CYSTM1: variants seen among roughly 807,000 people sequenced by gnomAD.
The protein encoded by CYSTM1 is cysteine-rich transmembrane module-containing protein 1.
Under a neutral mutation model 13.1 loss-of-function variants are expected in CYSTM1, and 4 were observed. The observed-to-expected ratio is 0.31, with a 90% CI of 0.15 to 0.70. The LOEUF is 0.70. Ranked by LOEUF, CYSTM1 falls within the 30% of genes least tolerant of loss-of-function variation. The pLI, the probability that CYSTM1 is intolerant of heterozygous loss-of-function variation, is 0.72. For missense variants in CYSTM1, 96 were observed against 121.6 expected (o/e 0.79, Z 0.99); for synonymous variants, 36 against 42.7 (o/e 0.84, Z 0.62).
rs193152223 is a variant in CYSTM1, at chr5:140,243,702, G to A, written c.*291G>A. 4 of 250,454 alleles carry A rather than the reference G, an allele frequency of 1.6e-5. No individual in the cohort carries two copies. The highest frequency in any genetic ancestry group is 4.5e-5 in the African/African-American group (2 of 44,052). The allele number at this position is 250,454 out of a possible 1,614,324, so 15.5% of individuals were successfully genotyped here. Reference sequence around the variant, plus strand: ...ATAATTTTTAAATTATACATTCAAGGTAGTGGCCAAATGTAACACATCAAT... The same window carrying A: ...ATAATTTTTAAATTATACATTCAAGATAGTGGCCAAATGTAACACATCAAT... On this transcript the variant is annotated 3_prime_UTR_variant, in exon 3 of 3. Coordinates refer to ENST00000261811, the MANE Select transcript of CYSTM1 (RefSeq NM_032412.4).
intron 2 of CYSTM1, among the ~76,000 whole-genome samples, chr5:140,215,412 G>A (rs1056058988): frequency 6.6e-6 from 1 of 151,950 alleles, no homozygotes; most frequent in African/African-American, 2.4e-5. Context: ...AGCGATCAGT[G>A]GTCCAGAAGA....
intron 2 of CYSTM1, among the ~76,000 whole-genome samples, chr5:140,194,880 G>A (rs1764137059): frequency 6.6e-6 from 1 of 152,212 alleles, no homozygotes; most frequent in Non-Finnish European, 1.5e-5. Flanking sequence ...TGACTTCCTG[G>A]CCAACGTGTT....
chr5:140,186,875 C>T (rs1764020534), intron 1 of CYSTM1, among the ~76,000 whole-genome samples: 1 of 152,148 alleles, frequency 6.6e-6, no homozygotes, highest in African/African-American at 2.4e-5. Context: ...ACTGTAATCC[C>T]AGCACTTTGG....
At chr5:140,184,868 G>A (rs191708131) in intron 1 of CYSTM1, among the ~76,000 whole-genome samples, 15 of 152,282 alleles carry the variant, frequency 9.9e-5, no homozygotes, top group Middle Eastern at 3.4e-3. Flanking sequence ...GTTTAGTATT[G>A]GAGGGAGACA....
rs986166996 is a variant in CYSTM1 at position 140,232,916 on chromosome 5, A to G, written c.188-10389A>G. On this transcript the variant is annotated intron_variant, in intron 2 of 2. Transcript: ENST00000261811. ...GGAGACATTGTTCCTCAAGAAGACT[A>G]TGTCCTCTGCGGTAGCTGCTGGAGG... Among the ~76,000 whole-genome samples, 3 of 152,200 alleles carry G rather than the reference A, an allele frequency of 2.0e-5. No homozygotes were observed. The East Asian group carries it at 5.8e-4, about 29-fold the overall frequency.
chr5:140,229,344 G>A (rs763824812), intron 2 of CYSTM1, among the ~76,000 whole-genome samples: 3 of 151,778 alleles, frequency 2.0e-5, no homozygotes, highest in Non-Finnish European at 4.4e-5. Context: ...ACAGGCACGC[G>A]CCACCATACC....
At chr5:140,241,972 G>C (rs1392091189) in intron 2 of CYSTM1, among the ~76,000 whole-genome samples, 1 of 152,276 alleles carries the variant, frequency 6.6e-6, no homozygotes, top group Non-Finnish European at 1.5e-5. Context: ...ACATGTGCTT[G>C]AACGAGAGAC....
chr5:140,185,177 A>T (rs1680367434), intron 1 of CYSTM1, among the ~76,000 whole-genome samples: 1 of 152,222 alleles, frequency 6.6e-6, no homozygotes. Flanking sequence ...ACAGTCTCTG[A>T]ACCTCTTCAT....
intron 2 of CYSTM1, among the ~76,000 whole-genome samples, chr5:140,195,063 C>CT (rs926061338): frequency 1.3e-5 from 2 of 152,006 alleles, no homozygotes; most frequent in African/African-American, 4.8e-5. Flanking sequence ...TGGGGTTTTT[C>CT]TTTTTTTTCT....
intron 2 of CYSTM1, among the ~76,000 whole-genome samples, chr5:140,205,340 A>G (rs2126661553): frequency 6.6e-6 from 1 of 152,348 alleles, no homozygotes; most frequent in African/African-American, 2.4e-5. Context: ...AAGAAGAGGA[A>G]GGAAATTTAA....
chr5:140,213,154 T>C (rs1387727051), intron 2 of CYSTM1, among the ~76,000 whole-genome samples: 1 of 151,218 alleles, frequency 6.6e-6, no homozygotes, highest in Non-Finnish European at 1.5e-5. Flanking sequence ...CCTGAAGACC[T>C]CCAGTGGGAC....
chr5:140,182,674 C>A (rs745482052), intron 1 of CYSTM1, among the ~76,000 whole-genome samples: 1 of 151,256 alleles, frequency 6.6e-6, no homozygotes, highest in East Asian at 1.9e-4. Flanking sequence ...ACTTTGAGTT[C>A]CTTTCACATA....
intron 2 of CYSTM1, 41 bp from the exon 3 acceptor site, chr5:140,243,264 G>T: frequency 6.4e-7 from 1 of 1,564,606 alleles, no homozygotes. Context: ...CCTGGGGTTT[G>T]CACCAGTCCA....
chr5:140,228,873 A>G, intron 2 of CYSTM1: 1 of 398,682 alleles, frequency 2.5e-6, no homozygotes, highest in Non-Finnish European at 4.4e-6. Context: ...CAGCCCTGCT[A>G]CCTCCTGTTA....
At chr5:140,184,610 C>T (rs1391208892) in intron 1 of CYSTM1, among the ~76,000 whole-genome samples, 1 of 152,126 alleles carries the variant, frequency 6.6e-6, no homozygotes, top group Non-Finnish European at 1.5e-5. Context: ...ACACCAATAC[C>T]TGGTGGCTAA....
At position 140,219,966 on chromosome 5, in the gene CYSTM1, C is replaced by CT. The variant is rs918790720; in HGVS notation, c.188-23329dup. On this transcript the variant is annotated intron_variant, in intron 2 of 2. Transcript: ENST00000261811. The surrounding 1 kb of genome is among the most constrained non-coding windows in gnomAD (Gnocchi z 4.1). ...CAGCTCCACTCAAAGTAACTTCTCT[C>CT]TTTTTTTTTTCTGTAACCCAGTGCC... Among the ~76,000 whole-genome samples the CT allele has an allele frequency of 5.0e-4, 75 of 150,202 alleles. No individual in the cohort carries two copies. The highest frequency in any genetic ancestry group is 1.8e-3 in the East Asian group (9 of 5,128).
chr5:140,188,587 C>G (rs1764050918), intron 1 of CYSTM1, among the ~76,000 whole-genome samples: 2 of 151,972 alleles, frequency 1.3e-5, no homozygotes, highest in African/African-American at 4.8e-5. Context: ...GTCAGGAGAT[C>G]GAGACCACGG....
At chr5:140,210,071 G>A (rs1379674810) in intron 2 of CYSTM1, among the ~76,000 whole-genome samples, 1 of 152,074 alleles carries the variant, frequency 6.6e-6, no homozygotes, top group South Asian at 2.1e-4. Context: ...TAGTAATAAT[G>A]CTCATAAAAA....
At chr5:140,177,130 G>A (rs1247407495) in intron 1 of CYSTM1, among the ~76,000 whole-genome samples, 1 of 151,072 alleles carries the variant, frequency 6.6e-6, no homozygotes, top group Non-Finnish European at 1.5e-5. Context: ...TCCGTGTAAG[G>A]CTGCGTAAGT....
Sources: gnomAD v4.1 joint callset for allele counts (sites outside exome capture counted in the v4.1 genomes callset) on GRCh38, gnomAD v4.1.1 for gene constraint, Gnocchi (gnomAD v3.1) non-coding constraint, MANE v1.5 for transcripts, NCBI Gene and HGNC (gene_info 2026-07-23, HGNC 2026-07-21) for gene names.